DLC1: variants seen among roughly 807,000 people sequenced by gnomAD.
DLC1 encodes the protein DLC1 Rho GTPase activating protein.
In DLC1, 54 loss-of-function variants were observed where a neutral mutation model predicts 140.3. That is an observed-to-expected ratio of 0.38 (90% CI 0.31 to 0.48). The LOEUF (loss-of-function observed/expected upper bound fraction) is 0.48, where lower values mean the gene tolerates loss of function less well. Among genes scored for constraint, DLC1 ranks in the 20% least tolerant of loss-of-function variants. The pLI, the probability that DLC1 is intolerant of heterozygous loss-of-function variation, is 0.96. For synonymous variants in DLC1, 986 were observed against 728.1 expected, an observed-to-expected ratio of 1.35 and a Z score of -5.70; for missense variants, 2,536 against 1,907.0, an observed-to-expected ratio of 1.33 and a Z score of -6.14.
chr8:13,406,198 T>TTTTTTTTTTC (rs564377892), intron 2 of DLC1, among the ~76,000 whole-genome samples: 1 of 142,574 alleles, frequency 7.0e-6, no homozygotes, highest in Non-Finnish European at 1.5e-5. Flanking sequence ...TTTTTTTTTT[T>TTTTTTTTTTC]CAGTGGAGAC....
intron 2 of DLC1, among the ~76,000 whole-genome samples, chr8:13,476,811 G>T (rs1800454867): frequency 3.3e-5 from 5 of 152,152 alleles, no homozygotes. Context: ...ATTAACACAT[G>T]TACATATTTA....
chr8:13,431,409 G>T (rs1838857268), intron 2 of DLC1, among the ~76,000 whole-genome samples: 1 of 148,458 alleles, frequency 6.7e-6, no homozygotes, highest in African/African-American at 2.5e-5. Context: ...TGTGAACCCG[G>T]GAGGCGGAGC....
intron 2 of DLC1, among the ~76,000 whole-genome samples, chr8:13,417,143 G>C (rs1368173139): frequency 6.6e-6 from 1 of 152,068 alleles, no homozygotes; most frequent in Non-Finnish European, 1.5e-5. Flanking sequence ...GCAACACGAT[G>C]GGATTTTTAG....
chr8:13,551,894 A>G (rs1803867888), intron 1 of DLC1, among the ~76,000 whole-genome samples: 1 of 103,864 alleles, frequency 9.6e-6, no homozygotes, highest in Non-Finnish European at 2.1e-5. Flanking sequence ...ACAGGTATAT[A>G]TACATATATA....
intron 4 of DLC1, among the ~76,000 whole-genome samples, chr8:13,350,855 C>A (rs565322490): frequency 6.6e-5 from 10 of 152,306 alleles, no homozygotes; most frequent in African/African-American, 9.6e-5. Flanking sequence ...ATAGAAGCCG[C>A]TCTTGAAAAT....
chr8:13,095,310 C>T lies in DLC1; in HGVS notation c.3168-65G>A, dbSNP rs966415941. Reference sequence around the variant, plus strand: ...TGCTCACTTGTCTGTCTACACTTGTCCAATTCTGCAGGCAAACCCTGTGGG... The same window carrying T: ...TGCTCACTTGTCTGTCTACACTTGTTCAATTCTGCAGGCAAACCCTGTGGG... On this transcript the variant is annotated intron_variant, in intron 10 of 17. Coordinates refer to ENST00000276297, the MANE Select transcript of DLC1 (RefSeq NM_182643.3). 5.6e-6 allele frequency: 9 copies of T among 1,598,162 alleles called. No homozygotes were observed. The African/African-American group carries it at 8.0e-5, about 14-fold the overall frequency.
chr8:13,317,639 G>A (rs1459278051), intron 4 of DLC1, among the ~76,000 whole-genome samples: 2 of 152,114 alleles, frequency 1.3e-5, no homozygotes, highest in African/African-American at 4.8e-5. Flanking sequence ...CTGGTGTGTG[G>A]TGAGGGGAAT....
chr8:13,551,440 G>C (rs187117319), intron 1 of DLC1, among the ~76,000 whole-genome samples: 1 of 151,944 alleles, frequency 6.6e-6, no homozygotes, highest in Admixed American at 6.6e-5. Flanking sequence ...GCCTAAGAAC[G>C]AGTCTATGGG....
intron 5 of DLC1, among the ~76,000 whole-genome samples, chr8:13,257,439 G>GAAAAAAA (rs34452124): frequency 9.6e-6 from 1 of 104,468 alleles, no homozygotes; most frequent in Non-Finnish European, 1.9e-5. Flanking sequence ...CCTGTCTCAG[G>GAAAAAAA]AAAAAAAAAA....
At chr8:13,177,487 A>C (rs1825815291) in intron 5 of DLC1, among the ~76,000 whole-genome samples, 1 of 152,184 alleles carries the variant, frequency 6.6e-6, no homozygotes, top group African/African-American at 2.4e-5. Context: ...ATAGAATTTC[A>C]CAAGTGCATA....
At chr8:13,532,806 A>G (rs961126047) in intron 1 of DLC1, among the ~76,000 whole-genome samples, 15 of 152,288 alleles carry the variant, frequency 9.8e-5, no homozygotes, top group African/African-American at 1.2e-4. Context: ...ACTTCTTATT[A>G]TAATTTCTCA....
In DLC1 at chr8:13,401,646, A is replaced by T. The variant is rs1438756087; in HGVS notation, c.1024-27T>A. ...TGAGGAACAGAACATTTTGTTACTG[A>T]ATCTGAAAGGCCATTTCTTAATAAG... On this transcript the variant is annotated intron_variant, in intron 2 of 17. Coordinates refer to ENST00000276297, the MANE Select transcript of DLC1 (RefSeq NM_182643.3). The T allele has an allele frequency of 4.4e-6, 7 of 1,597,022 alleles. No individual in the cohort carries two copies. The Admixed American group carries it at 5.2e-5, about 12-fold the overall frequency.
At chr8:13,566,330 G>A (rs1198977256) in intron 1 of DLC1, among the ~76,000 whole-genome samples, 1 of 152,052 alleles carries the variant, frequency 6.6e-6, no homozygotes, top group Non-Finnish European at 1.5e-5. Flanking sequence ...AACTGATTTG[G>A]AAAATTAAGG....
chr8:13,096,149 T>C (rs1353757614), intron 10 of DLC1: 2 of 152,212 alleles, frequency 1.3e-5, no homozygotes, highest in African/African-American at 4.8e-5. Context: ...GAACCTTGTG[T>C]AGGATTCCTC....
chr8:13,558,005 C>T (rs1000477866), intron 1 of DLC1: 1 of 152,150 alleles, frequency 6.6e-6, no homozygotes, highest in African/African-American at 2.4e-5. Flanking sequence ...TTCATTGGCA[C>T]TAGTAAAATT....
intron 10 of DLC1, chr8:13,095,487 C>G: frequency 1.9e-6 from 1 of 525,542 alleles, no homozygotes; most frequent in Non-Finnish European, 3.4e-6. Flanking sequence ...AAAGAACATT[C>G]CTATCATCCA....
At chr8:13,268,317 C>A (rs1224145522) in intron 5 of DLC1, among the ~76,000 whole-genome samples, 1 of 152,132 alleles carries the variant, frequency 6.6e-6, no homozygotes, top group Non-Finnish European at 1.5e-5. Flanking sequence ...ACTAACTTGC[C>A]TGACTCTGTT....
rs1035111104 is a variant in DLC1, at chr8:13,213,314, A to G, written c.1348+91955T>C. On this transcript the variant is annotated intron_variant, in intron 5 of 17. Coordinates refer to ENST00000276297, the MANE Select transcript of DLC1 (RefSeq NM_182643.3). ...TGCATTATACACCTCTGTGGGCACT[A>G]TTGTCACCTATAATACACTTTATAT... Among the ~76,000 whole-genome samples the G allele has an allele frequency of 2.6e-5, 4 of 152,200 alleles. No homozygotes were observed. In the East Asian group the frequency reaches 5.8e-4, roughly 22 times the overall value.
chr8:13,495,294 C>T (rs78816950), intron 2 of DLC1, among the ~76,000 whole-genome samples: 5,225 of 152,208 alleles, frequency 0.034, 294 homozygotes, highest in African/African-American at 0.12. Context: ...TCAAGTCTTT[C>T]CCTAAATGTT....
Sources: allele counts gnomAD v4.1 joint callset (sites outside exome capture counted in the v4.1 genomes callset), GRCh38; gene constraint gnomAD v4.1.1; transcripts MANE v1.5; gene names NCBI Gene and HGNC (gene_info 2026-07-23, HGNC 2026-07-21).